SEPTIN6: variants seen among roughly 807,000 people sequenced by gnomAD.
SEPTIN6 encodes septin-6.
SEPTIN6 carries 8 observed loss-of-function variants against 33.6 expected under a neutral mutation model. That is an observed-to-expected ratio of 0.24 (90% CI 0.14 to 0.43). The LOEUF (loss-of-function observed/expected upper bound fraction) is 0.43, where lower values mean the gene tolerates loss of function less well. SEPTIN6 is among the 20% of genes least tolerant of loss of function. The pLI is 1.00. For missense variants in SEPTIN6, 250 were observed against 340.8 expected (o/e 0.73, Z 2.10); for synonymous variants, 131 against 140.0 (o/e 0.94, Z 0.45).
intron 3 of SEPTIN6, among the ~76,000 whole-genome samples, chrX:119,662,041 C>G (rs945436813): frequency 9.2e-6 from 1 of 108,836 alleles, no homozygotes; most frequent in Non-Finnish European, 1.9e-5. Flanking sequence ...CCTGGCCCCC[C>G]AACATCTTTC....
intron 2 of SEPTIN6, among the ~76,000 whole-genome samples, chrX:119,664,967 C>T (rs1057170259): frequency 1.8e-5 from 2 of 110,556 alleles, no homozygotes; most frequent in South Asian, 7.6e-4. Context: ...TGCCTCCCCA[C>T]GGTGAAAACT....
chrX:119,659,711 G>T (rs1053292088), intron 3 of SEPTIN6, among the ~76,000 whole-genome samples: 1 of 110,966 alleles, frequency 9.0e-6, no homozygotes, highest in Non-Finnish European at 1.9e-5. Context: ...GAAAACTGAG[G>T]CATAGAAAAT....
intron 5 of SEPTIN6, among the ~76,000 whole-genome samples, chrX:119,642,032 C>T (rs776721591): frequency 1.5e-4 from 17 of 110,577 alleles, no homozygotes; most frequent in Non-Finnish European, 3.0e-4. Context: ...ACCCTGGCCC[C>T]GGAGAGTGCA....
chrX:119,645,298 A>T (rs774551594), intron 5 of SEPTIN6, among the ~76,000 whole-genome samples: 1 of 79,894 alleles, frequency 1.3e-5, no homozygotes, highest in African/African-American at 5.1e-5. Context: ...GAGTGCAGTG[A>T]CGTGATCTCA....
chrX:119,651,822 A>G (rs911052972), intron 4 of SEPTIN6, among the ~76,000 whole-genome samples: 1 of 112,722 alleles, frequency 8.9e-6, no homozygotes, highest in Non-Finnish European at 1.9e-5. Context: ...CCTTTTATTC[A>G]TGGGCCATGA....
chrX:119,661,068 A>G (rs1369843010), intron 3 of SEPTIN6, among the ~76,000 whole-genome samples: 3 of 102,893 alleles, frequency 2.9e-5, no homozygotes, highest in Non-Finnish European at 5.9e-5. Context: ...AAAAAAAAAA[A>G]GCAGAGATGT....
chrX:119,683,351 C>CA (rs887727643), intron 1 of SEPTIN6, among the ~76,000 whole-genome samples: 1 of 112,603 alleles, frequency 8.9e-6, no homozygotes, highest in Non-Finnish European at 1.9e-5. Flanking sequence ...CCCAAGCTCT[C>CA]ACACCTCCCT....
chrX:119,686,889 C>T (rs1024131911), intron 1 of SEPTIN6, among the ~76,000 whole-genome samples: 1 of 111,544 alleles, frequency 9.0e-6, no homozygotes, highest in African/African-American at 3.3e-5. Context: ...TCCCTGGGCC[C>T]TATGGGAGTG....
intron 2 of SEPTIN6, among the ~76,000 whole-genome samples, chrX:119,673,841 C>CAAAAAAAAAAAAAAAAAAAAAAA (rs774954935): frequency 1.0e-4 from 4 of 38,183 alleles, no homozygotes; most frequent in Admixed American, 3.0e-4. Flanking sequence ...GACTCTGTCT[C>CAAAAAAAAAAAAAAAAAAAAAAA]AAAAAAAAAA....
rs55820919 is a variant in SEPTIN6, at chrX:119,617,099, C to CGTGTGT, written c.*2988_*2993dup. 597 of 692,101 alleles carry CGTGTGT rather than the reference C, an allele frequency of 8.6e-4. 1 individual carries two copies. Among genetic ancestry groups the CGTGTGT allele is most frequent in the Middle Eastern group, 3.8e-3 (5 of 1,326 alleles). The allele number at this position is 692,101 out of a possible 1,213,427, so 57.0% of individuals were successfully genotyped here. On this transcript the variant is annotated 3_prime_UTR_variant, in exon 11 of 11. Transcript: ENST00000394610. ...TTAAGAGAAGTGAGGGATGTGTGTA[C>CGTGTGT]GTGTGTGTGTGTGTGTGTGTGTGTG... is the stretch of plus-strand genomic sequence containing the variant.
intron 7 of SEPTIN6, among the ~76,000 whole-genome samples, chrX:119,634,261 C>T (rs193300157): frequency 1.3e-3 from 136 of 107,786 alleles, no homozygotes; most frequent in African/African-American, 4.0e-3. Flanking sequence ...CCCAGCTACT[C>T]GGGAGGCTGA....
rs747407519 is a variant in SEPTIN6, at chrX:119,657,324, C to G, written c.342-4284G>C. ...TAGACATTTAAGTTTATAAAGTGGA[C>G]TAGGTTTCCACGGCAACTTGGTTCT... On this transcript the variant is annotated intron_variant, in intron 3 of 10. Coordinates refer to ENST00000394610, the MANE Select transcript of SEPTIN6 (RefSeq NM_145799.4). 2.7e-5 allele frequency among the ~76,000 whole-genome samples: 3 copies of G among 110,802 alleles called. No individual in the cohort carries two copies. The East Asian group carries it at 8.5e-4, about 31-fold the overall frequency.
Position 119,678,639 on chromosome X carries a change from CA to C in SEPTIN6, c.31-2972del, listed in dbSNP as rs754188382. 3.6e-5 allele frequency among the ~76,000 whole-genome samples: 4 copies of C among 112,167 alleles called. No individual in the cohort carries two copies. In the South Asian group the frequency reaches 1.5e-3, roughly 41 times the overall value. On this transcript the variant is annotated intron_variant, in intron 1 of 10. Transcript: ENST00000394610. ...TCATTTCCCCTTCTCTTTATTAAAG[CA>C]AACAAAGTAAGATGCAAGATTCCCA...
chrX:119,617,149 T>TGTGTGTGTGTGTGTG lies in SEPTIN6; in HGVS notation c.*2943_*2944insCACACACACACACAC, dbSNP rs1459455834. 1 of 715,131 alleles carries TGTGTGTGTGTGTGTG rather than the reference T, an allele frequency of 1.4e-6. No individual in the cohort carries two copies. The highest frequency in any genetic ancestry group is 1.7e-6 in the Non-Finnish European group (1 of 600,749). 58.9% of individuals were successfully genotyped at this position (715,131 alleles called of 1,213,427 possible). A position where few individuals can be genotyped will look rare whatever the true frequency, so the allele number is the denominator to read the frequency against. On this transcript the variant is annotated 3_prime_UTR_variant, in exon 11 of 11. Transcript: ENST00000394610. ...GTGTGTGTGTGTGTGTGTGTGTGTG[T>TGTGTGTGTGTGTGTG]TTCAGAAAAGCCACTCCAGTCTGGG...
rs2053706040 is a variant in SEPTIN6 at position 119,618,906 on chromosome X, G to A, written c.*1187C>T. The stretch of plus-strand genomic sequence containing the variant: ...CACTGTGCCTCATAACCCTGACAAG[G>A]GAGGGCTCTCTACTTCACAGAGGTT... On this transcript the variant is annotated 3_prime_UTR_variant, in exon 11 of 11. Coordinates refer to ENST00000394610, the MANE Select transcript of SEPTIN6 (RefSeq NM_145799.4). 8.9e-7 allele frequency: 1 copy of A among 1,126,489 alleles called. No homozygotes were observed. The highest frequency in any genetic ancestry group is 3.3e-5 in the East Asian group (1 of 30,646). 92.8% of individuals were successfully genotyped at this position (1,126,489 alleles called of 1,213,427 possible). A position where few individuals can be genotyped will look rare whatever the true frequency, so the allele number is the denominator to read the frequency against.
chrX:119,625,441 CTT>C (rs934708370), intron 9 of SEPTIN6, 62 bp from the exon 10 acceptor site: 2 of 1,049,440 alleles, frequency 1.9e-6, no homozygotes, highest in African/African-American at 3.7e-5. Flanking sequence ...AATATTATGA[CTT>C]GACACAAACA....
chrX:119,634,262 G>A lies in SEPTIN6; in HGVS notation c.957-770C>T, dbSNP rs749677238. The stretch of plus-strand genomic sequence containing the variant: ...TGGGCGCCAGTAATCCCAGCTACTC[G>A]GGAGGCTGAGGCAGGAGAATCACTT... On this transcript the variant is annotated intron_variant, in intron 7 of 10. Coordinates refer to ENST00000394610, the MANE Select transcript of SEPTIN6 (RefSeq NM_145799.4). Among the ~76,000 whole-genome samples, 10 of 109,547 alleles carry A rather than the reference G, an allele frequency of 9.1e-5. No homozygotes were observed. The South Asian group carries it at 1.2e-3, about 13-fold the overall frequency.
chrX:119,619,958 G>A lies in SEPTIN6; in HGVS notation c.*135C>T. On this transcript the variant is annotated 3_prime_UTR_variant, in exon 11 of 11. Transcript: ENST00000394610. ...GGAAGAGAGGAGAGGGCGCGGGTTG[G>A]ATTGTATGCCCCCCAGGCATGTTAA... The A allele has an allele frequency of 8.4e-7, 1 of 1,191,731 alleles. No individual in the cohort carries two copies. Among genetic ancestry groups the A allele is most frequent in the Admixed American group, 2.4e-5 (1 of 41,076 alleles).
At chrX:119,679,634 C>G (rs1026992500) in intron 1 of SEPTIN6, among the ~76,000 whole-genome samples, 2 of 111,284 alleles carry the variant, frequency 1.8e-5, no homozygotes, top group African/African-American at 6.5e-5. Flanking sequence ...CTGAGGCAGG[C>G]GGATCACGAG....
Sources: gnomAD v4.1 joint callset for allele counts (sites outside exome capture counted in the v4.1 genomes callset) on GRCh38, gnomAD v4.1.1 for gene constraint, MANE v1.5 for transcripts, NCBI Gene and HGNC (gene_info 2026-07-23, HGNC 2026-07-21) for gene names.